ARID1A: variants seen among roughly 807,000 people sequenced by gnomAD.
ARID1A encodes the protein AT-rich interaction domain 1A.
In ARID1A, 20 loss-of-function variants were observed where a neutral mutation model predicts 212.6. The ratio of observed to expected loss-of-function variants is 0.09; its 90% CI spans 0.07 to 0.14. The LOEUF (loss-of-function observed/expected upper bound fraction) is 0.14, where lower values mean the gene tolerates loss of function less well. ARID1A is among the 10% of genes least tolerant of loss of function. The pLI, the probability that ARID1A is intolerant of heterozygous loss-of-function variation, is 1.00. For synonymous variants in ARID1A, 1,376 were observed against 1,222.1 expected, an observed-to-expected ratio of 1.13 and a Z score of -2.63; for missense variants, 2,587 against 3,059.0, an observed-to-expected ratio of 0.85 and a Z score of 3.64.
At chr1:26,751,864 G>T (rs1391135777) in intron 4 of ARID1A, among the ~76,000 whole-genome samples, 6 of 152,154 alleles carry the variant, frequency 3.9e-5, no homozygotes, top group Non-Finnish European at 7.4e-5. Flanking sequence ...CTTCTCTCCT[G>T]TGTCTTCCCC....
At chr1:26,729,996 A>G in intron 2 of ARID1A, 133 bp downstream of exon 2, 1 of 1,135,926 alleles carries the variant, frequency 8.8e-7, no homozygotes, top group Non-Finnish European at 1.3e-6. Context: ...AGTTAATTAC[A>G]GAGTGCTACT....
rs1416524477 is a variant in ARID1A at position 26,779,700 on chromosome 1, G to A, written c.5802G>A (p.Lys1934=). 1.2e-6 allele frequency: 2 copies of A among 1,614,010 alleles called. No homozygotes were observed. The highest frequency in any genetic ancestry group is 2.7e-5 in the African/African-American group (2 of 74,904). ...GAGCTAAGAGTTCAGAGGCCATCAAGGAGAGCAGCAAGTTTCCATTTGGCA... is the reference window on the plus strand; with the variant it reads ...GAGCTAAGAGTTCAGAGGCCATCAAAGAGAGCAGCAAGTTTCCATTTGGCA... ...EDGAKSSEAI[K]ESSKFPFGIS... Residue 1934 remains lysine (K), a synonymous_variant, in exon 20 of 20, where the codon AAG becomes AAA. Coordinates refer to ENST00000324856, the MANE Select transcript of ARID1A (RefSeq NM_006015.6).
At chr1:26,712,120 C>G (rs1478534889) in intron 1 of ARID1A, among the ~76,000 whole-genome samples, 2 of 152,034 alleles carry the variant, frequency 1.3e-5, no homozygotes, top group African/African-American at 4.8e-5. Context: ...GTGGTGGTCT[C>G]CAAGTATGGC....
intron 1 of ARID1A, among the ~76,000 whole-genome samples, chr1:26,714,398 TTTTGTTTGTTTG>T (rs71007887): frequency 2.6e-5 from 4 of 151,864 alleles, no homozygotes; most frequent in East Asian, 1.9e-4. Flanking sequence ...CTATAATCTT[TTTTGTTTGTTTG>T]TTTGTTTGTT....
intron 4 of ARID1A, among the ~76,000 whole-genome samples, chr1:26,744,044 A>T (rs536223779): frequency 6.6e-6 from 1 of 152,272 alleles, no homozygotes; most frequent in African/African-American, 2.4e-5. Context: ...ATTATAGCCC[A>T]GGTGCTCTCT....
intron 1 of ARID1A, among the ~76,000 whole-genome samples, chr1:26,702,584 T>G (rs2080341634): frequency 6.6e-6 from 1 of 152,206 alleles, no homozygotes; most frequent in African/African-American, 2.4e-5. Context: ...AACTGTTCTA[T>G]AGAATGTTTG....
intron 11 of ARID1A, chr1:26,769,302 A>T (rs1268872664): frequency 2.0e-5 from 3 of 152,258 alleles, no homozygotes. Context: ...TTGGAAAAGG[A>T]TGCAAACCTT....
chr1:26,760,865 G>C lies in ARID1A; in HGVS notation c.1930G>C (p.Gly644Arg), dbSNP rs2124053804. ...SRPSSLPDLS[G>R]SIDDLPMGTE... ...TATATATATGTTCTAGGATCTATCT[G>C]GTTCAATAGATGACCTCCCCATGGG... Residue 644 changes from glycine (G) to arginine (R), a missense_variant, in exon 5 of 20, where the codon GGT (glycine) becomes CGT (arginine). This residue lies in a region of ARID1A where 674 missense variants were observed against 813.4 expected (regional missense o/e 0.83). Coordinates refer to ENST00000324856, the MANE Select transcript of ARID1A (RefSeq NM_006015.6). 6.2e-7 allele frequency: 1 copy of C among 1,611,514 alleles called. No homozygotes were observed. The highest frequency in any genetic ancestry group is 8.5e-7 in the Non-Finnish European group (1 of 1,177,946).
At chr1:26,770,856 GT>G (rs2081077436) in intron 11 of ARID1A, 1 of 468,954 alleles carries the variant, frequency 2.1e-6, no homozygotes, top group Non-Finnish European at 3.8e-6. Context: ...TCTGAATTCT[GT>G]TCCAGTAGTA....
At chr1:26,700,896 G>T (rs1021610287) in intron 1 of ARID1A, among the ~76,000 whole-genome samples, 16 of 152,196 alleles carry the variant, frequency 1.1e-4, no homozygotes, top group African/African-American at 3.1e-4. Flanking sequence ...GAGAGCTGGG[G>T]TGATGAGGAT....
chr1:26,757,537 C>T (rs927677227), intron 4 of ARID1A, among the ~76,000 whole-genome samples: 3 of 152,010 alleles, frequency 2.0e-5, no homozygotes, highest in Admixed American at 6.6e-5. Context: ...AGTGGTTTCT[C>T]TGTTGAGGGC....
At chr1:26,752,156 C>G (rs2080890578) in intron 4 of ARID1A, among the ~76,000 whole-genome samples, 1 of 152,182 alleles carries the variant, frequency 6.6e-6, no homozygotes, top group African/African-American at 2.4e-5. Context: ...TGCATCTTTT[C>G]TTCCCGTTCC....
rs1570540902 is a variant in ARID1A, at chr1:26,697,455, G to T, written c.1052G>T (p.Gly351Val). 1 of 1,372,278 alleles carries T rather than the reference G, an allele frequency of 7.3e-7. No homozygotes were observed. Among genetic ancestry groups the T allele is most frequent in the Non-Finnish European group, 9.3e-7 (1 of 1,073,214 alleles). 85.0% of individuals were successfully genotyped at this position (1,372,278 alleles called of 1,614,324 possible). A position where few individuals can be genotyped will look rare whatever the true frequency, so the allele number is the denominator to read the frequency against. ...AAAAAAAAAS[G>V]GAQQRSHHAP... Reference sequence around the variant, plus strand: ...GCAGCTGCGGCGGCGGCCGCCTCGGGAGGGGCCCAACAAAGGAGCCACCAC... The same window carrying T: ...GCAGCTGCGGCGGCGGCCGCCTCGGTAGGGGCCCAACAAAGGAGCCACCAC... The change falls in exon 1 of 20, where the codon GGA (glycine) becomes GTA (valine). Residue 351 changes from glycine to valine, a missense_variant. Around this residue, in one of 11 missense-constraint regions of ARID1A, gnomAD observed 735 missense variants for 590.6 expected, o/e 1.24. Coordinates refer to ENST00000324856, the MANE Select transcript of ARID1A (RefSeq NM_006015.6).
chr1:26,728,622 A>C (rs1482545418), intron 1 of ARID1A, among the ~76,000 whole-genome samples: 2 of 152,206 alleles, frequency 1.3e-5, no homozygotes, highest in Non-Finnish European at 2.9e-5. Flanking sequence ...TGTGACGGTT[A>C]ATGATAGGCC....
chr1:26,753,196 C>T (rs1356044373), intron 4 of ARID1A: 1 of 152,248 alleles, frequency 6.6e-6, no homozygotes, highest in Non-Finnish European at 1.5e-5. Flanking sequence ...GCAGTTCTTC[C>T]TGTGAGAGTA....
At chr1:26,760,477 C>T (rs775893778) in intron 4 of ARID1A, among the ~76,000 whole-genome samples, 21 of 152,058 alleles carry the variant, frequency 1.4e-4, no homozygotes, top group Admixed American at 4.6e-4. Context: ...CACCTGAGGT[C>T]GGGAGTTCAA....
chr1:26,740,278 G>A (rs902078071), intron 4 of ARID1A, among the ~76,000 whole-genome samples: 4 of 152,178 alleles, frequency 2.6e-5, no homozygotes, highest in African/African-American at 9.7e-5. Flanking sequence ...AATATGATAC[G>A]ATGATTCCTA....
chr1:26,745,824 G>GT (rs1394497351), intron 4 of ARID1A, among the ~76,000 whole-genome samples: 21 of 152,184 alleles, frequency 1.4e-4, no homozygotes, highest in African/African-American at 4.8e-4. Context: ...GGTTGAGGCG[G>GT]TGAGATCACC....
chr1:26,717,903 A>G (rs759038230), intron 1 of ARID1A, among the ~76,000 whole-genome samples: 3 of 152,162 alleles, frequency 2.0e-5, no homozygotes, highest in Non-Finnish European at 2.9e-5. Context: ...TATGAATACA[A>G]AGGCTCTGAG....
Sources: allele counts gnomAD v4.1 joint callset (sites outside exome capture counted in the v4.1 genomes callset), GRCh38; gene constraint gnomAD v4.1.1; regional missense constraint gnomAD v4.1.1; transcripts MANE v1.5; gene names NCBI Gene and HGNC (gene_info 2026-07-23, HGNC 2026-07-21).